Variants in IL1RN observed in about 807,000 individuals in gnomAD.
The protein encoded by IL1RN is interleukin 1 receptor antagonist, also known as interleukin-1 receptor antagonist protein.
In IL1RN, 10 loss-of-function variants were observed where a neutral mutation model predicts 13.7. The observed-to-expected ratio is 0.73, with a 90% CI of 0.45 to 1.24. The LOEUF (loss-of-function observed/expected upper bound fraction) is 1.24. Ranked by LOEUF, IL1RN falls within the 50% of genes most tolerant of loss-of-function variation. The probability of loss-of-function intolerance (pLI) is 0.00; values close to 1 mark genes in which losing one functional copy is unlikely to be tolerated. For missense variants in IL1RN, 213 were observed against 222.1 expected, an observed-to-expected ratio of 0.96 and a Z score of 0.26; for synonymous variants, 102 against 82.7, an observed-to-expected ratio of 1.23 and a Z score of -1.27.
upstream of IL1RN, among the ~76,000 whole-genome samples, chr2:113,105,554 T>A (rs1240718444): frequency 6.6e-6 from 1 of 152,212 alleles, no homozygotes; most frequent in African/African-American, 2.4e-5. Flanking sequence ...TCAGAACTTT[T>A]TTATAATTGG....
chr2:113,117,669 A>G (rs1449537768), upstream of IL1RN: 6 of 457,952 alleles, frequency 1.3e-5, no homozygotes, highest in Non-Finnish European at 2.4e-5. Context: ...GGTTGGGGTA[A>G]GCACGAAGGC....
chr2:113,123,370 T>C (rs315936), upstream of IL1RN, among the ~76,000 whole-genome samples: 115,242 of 152,108 alleles, frequency 0.76, 43,828 homozygotes, highest in East Asian at 0.92. Flanking sequence ...TTCAGCTGAG[T>C]TTTTGAGCAT....
Position 113,120,989 on chromosome 2 carries a change from C to T in IL1RN, c.73+861C>T, listed in dbSNP as rs573529192. On this transcript the variant is annotated intron_variant, in intron 2 of 5. Transcript: ENST00000259206. ...TTCTTCTTCTTCTTCTTCTTCCTCC[C>T]CCTTCTCCTCTTCTTCTTCCTCCTC... Among the ~76,000 whole-genome samples the T allele has an allele frequency of 1.4e-3, 216 of 150,420 alleles. 1 individual carries two copies. The South Asian group carries it at 0.02, about 14-fold the overall frequency.
At chr2:113,120,232 T>C in intron 2 of IL1RN, 2 of 859,830 alleles carry the variant, frequency 2.3e-6, no homozygotes, top group South Asian at 2.7e-5. Context: ...AATGGTTTAA[T>C]TAAAAATTAA....
At chr2:113,118,913 T>C (rs1686674785) in intron 1 of IL1RN, among the ~76,000 whole-genome samples, 1 of 152,162 alleles carries the variant, frequency 6.6e-6, no homozygotes, top group African/African-American at 2.4e-5. Context: ...GGTGCATGTC[T>C]GCAATCTTAG....
intron 2 of IL1RN, among the ~76,000 whole-genome samples, chr2:113,121,983 A>G (rs1411360082): frequency 6.6e-6 from 1 of 152,244 alleles, no homozygotes; most frequent in Non-Finnish European, 1.5e-5. Context: ...TGACTGGGAA[A>G]GAGCAACTGG....
upstream of IL1RN, among the ~76,000 whole-genome samples, chr2:113,113,801 G>A (rs780746478): frequency 9.9e-5 from 15 of 152,220 alleles, no homozygotes; most frequent in Non-Finnish European, 1.5e-5. Flanking sequence ...GAGCTGCTCA[G>A]CAACATGAGG....
chr2:113,110,217 G>A (rs539199136), upstream of IL1RN, among the ~76,000 whole-genome samples: 7 of 152,284 alleles, frequency 4.6e-5, no homozygotes, highest in East Asian at 1.3e-3. Flanking sequence ...GTTCTGGTCC[G>A]GCAGTAGTGC....
intron 1 of IL1RN, chr2:113,112,883 T>C (rs1686524398): frequency 6.6e-6 from 1 of 152,198 alleles, no homozygotes; most frequent in African/African-American, 2.4e-5. Flanking sequence ...GAGTAAATAT[T>C]CATGAGGCAA....
upstream of IL1RN, among the ~76,000 whole-genome samples, chr2:113,126,050 A>T (rs1686945672): frequency 6.6e-6 from 1 of 152,136 alleles, no homozygotes; most frequent in Admixed American, 6.5e-5. Context: ...CGCCCACCTC[A>T]GCCTCCCCAA....
rs1686715665 is a variant in IL1RN, at chr2:113,120,071, T to G, written c.16T>G (p.Leu6Val). 16 of 1,612,920 alleles carry G rather than the reference T, an allele frequency of 9.9e-6. No individual in the cohort carries two copies. Among genetic ancestry groups the G allele is most frequent in the Non-Finnish European group, 1.3e-5 (15 of 1,179,244 alleles). ...TCCCACCACTTCCCTTACAGCTGAC[T>G]TGTATGAAGAAGGAGGTGGAGGAGG... The change falls in exon 2 of 6, where the codon TTG (leucine) becomes GTG (valine). Residue 6 changes from leucine (L) to valine (V), a missense_variant. Leu to Val is a conservative substitution (Grantham distance 32). Coordinates refer to the IL1RN transcript ENST00000259206.
At chr2:113,108,445 T>C (rs980338419), upstream of IL1RN, among the ~76,000 whole-genome samples, 1 of 144,696 alleles carries the variant, frequency 6.9e-6, no homozygotes, top group African/African-American at 2.7e-5. Flanking sequence ...GTGTGCGATG[T>C]TCCCCTTCCC....
chr2:113,131,154 G>A lies in IL1RN; in HGVS notation c.315G>A (p.Leu105=). ...VKSGDETRLQ[L]EAVNITDLSE... ...CTGGTGATGAGACCAGACTCCAGCT[G>A]GAGGTAAAAACATGCTTTGGATCTC... Residue 105 remains leucine (L), a synonymous_variant, in exon 3 of 4, where the codon CTG becomes CTA. Transcript: ENST00000409930. 1 of 1,596,484 alleles carries A rather than the reference G, an allele frequency of 6.3e-7. No homozygotes were observed. Among genetic ancestry groups the A allele is most frequent in the Non-Finnish European group, 8.6e-7 (1 of 1,163,956 alleles).
At chr2:113,131,625 C>T (rs1687174929) in intron 3 of IL1RN, among the ~76,000 whole-genome samples, 1 of 152,106 alleles carries the variant, frequency 6.6e-6, no homozygotes, top group Non-Finnish European at 1.5e-5. Context: ...ACCACAGGAC[C>T]TGAATCTCTG....
At chr2:113,129,776 G>A (rs892481070) in intron 2 of IL1RN, 112 bp downstream of exon 2, 12 of 786,522 alleles carry the variant, frequency 1.5e-5, no homozygotes, top group Non-Finnish European at 2.8e-5. Flanking sequence ...CCTAATCCTT[G>A]TTGGGTCTTT....
chr2:113,115,092 C>T (rs556645925), upstream of IL1RN, among the ~76,000 whole-genome samples: 6 of 152,318 alleles, frequency 3.9e-5, no homozygotes, highest in South Asian at 4.1e-4. Flanking sequence ...TAAACAACTA[C>T]GGTCGTAGAT....
Position 113,132,926 on chromosome 2 carries a change from C to T in IL1RN, c.*55C>T, listed in dbSNP as rs1687227291. The T allele has an allele frequency of 3.3e-6, 5 of 1,532,364 alleles. No individual in the cohort carries two copies. In the African/African-American group the frequency reaches 5.5e-5, roughly 17 times the overall value. 94.9% of individuals were successfully genotyped at this position (1,532,364 alleles called of 1,614,324 possible). ...TGCATGGCAAGGACTGCAGGGACTGCCAGTCCCCCTGCCCCAGGGCTCCCG... is the reference window on the plus strand; with the variant it reads ...TGCATGGCAAGGACTGCAGGGACTGTCAGTCCCCCTGCCCCAGGGCTCCCG... On this transcript the variant is annotated 3_prime_UTR_variant, in exon 4 of 4. Transcript: ENST00000409930.
At position 113,129,685 on chromosome 2, in the gene IL1RN, C is replaced by T. The variant is rs423904; in HGVS notation, c.205+21C>T. 0.26 allele frequency: 395,125 copies of T among 1,516,674 alleles called. 54,265 individuals carry two copies. Among genetic ancestry groups the T allele is most frequent in the Admixed American group, 0.31 (18,475 of 59,884 alleles). 94.0% of individuals were successfully genotyped at this position (1,516,674 alleles called of 1,614,324 possible). On this transcript the variant is annotated intron_variant, in intron 2 of 3. Coordinates refer to ENST00000409930, the MANE Select transcript of IL1RN (RefSeq NM_173842.3). ...AGAAGGTGAGTGGTTGCCAGGAAAGCCAATGTATGTGGGCATCACGTCACT... is the reference window on the plus strand; with the variant it reads ...AGAAGGTGAGTGGTTGCCAGGAAAGTCAATGTATGTGGGCATCACGTCACT...
At position 113,131,154 on chromosome 2, in the gene IL1RN, G is replaced by T; in HGVS notation, c.315G>T (p.Leu105=). The change falls in exon 3 of 4, where the codon CTG becomes CTT. Residue 105 remains leucine, a synonymous_variant. Coordinates refer to ENST00000409930, the MANE Select transcript of IL1RN (RefSeq NM_173842.3). ...VKSGDETRLQ[L]EAVNITDLSE... Reference sequence around the variant, plus strand: ...CTGGTGATGAGACCAGACTCCAGCTGGAGGTAAAAACATGCTTTGGATCTC... The same window carrying T: ...CTGGTGATGAGACCAGACTCCAGCTTGAGGTAAAAACATGCTTTGGATCTC... The T allele has an allele frequency of 1.3e-6, 2 of 1,596,486 alleles. No homozygotes were observed. Among genetic ancestry groups the T allele is most frequent in the Non-Finnish European group, 8.6e-7 (1 of 1,163,958 alleles).
Sources: allele counts gnomAD v4.1 joint callset (sites outside exome capture counted in the v4.1 genomes callset), GRCh38; gene constraint gnomAD v4.1.1; transcripts MANE v1.5; gene names NCBI Gene and HGNC (gene_info 2026-07-23, HGNC 2026-07-21).